The following GMEB1 variants were observed in gnomAD, a reference collection of about 807,000 sequenced individuals.
GMEB1 encodes the protein glucocorticoid modulatory element-binding protein 1.
In GMEB1, 6 loss-of-function variants were observed where a neutral mutation model predicts 52.4. The ratio of observed to expected loss-of-function variants is 0.11; its 90% CI spans 0.06 to 0.23. GMEB1 has a LOEUF of 0.23. Among genes scored for constraint, GMEB1 ranks in the 10% least tolerant of loss-of-function variants. The pLI is 1.00. For synonymous variants in GMEB1, 255 were observed against 244.9 expected (o/e 1.04, Z -0.38); for missense variants, 486 against 685.6 (o/e 0.71, Z 3.25).
At chr1:28,677,988 A>G (rs1363028373) in intron 1 of GMEB1, among the ~76,000 whole-genome samples, 2 of 152,238 alleles carry the variant, frequency 1.3e-5, no homozygotes, top group South Asian at 2.1e-4. Context: ...GTTTGAGACC[A>G]GCCTGGCCAA....
At position 28,714,772 on chromosome 1, in the gene GMEB1, A is replaced by C; in HGVS notation, c.1691A>C (p.Ter564SerextTer11). Residue 564 changes from the stop codon to serine, a stop_lost, in exon 10 of 10, where the codon TAA becomes TCA. Coordinates refer to ENST00000373816, the MANE Select transcript of GMEB1 (RefSeq NM_001319674.2). ...GTGGAGATTGTGGTCTTAGAGGATTAACTGGGGATCTCAGGGCCAGGAGTT... is the reference window on the plus strand; with the variant it reads ...GTGGAGATTGTGGTCTTAGAGGATTCACTGGGGATCTCAGGGCCAGGAGTT... ...HNVEIVVLED[*>S] The C allele has an allele frequency of 6.3e-7, 1 of 1,592,240 alleles. No homozygotes were observed.
At chr1:28,673,620 C>T (rs899609509) in intron 1 of GMEB1, among the ~76,000 whole-genome samples, 1 of 152,148 alleles carries the variant, frequency 6.6e-6, no homozygotes, top group African/African-American at 2.4e-5. Flanking sequence ...TCAGGACACA[C>T]AAAAATGAAT....
Position 28,714,140 on chromosome 1 carries a change from T to G in GMEB1, c.1059T>G (p.Val353=). 6.2e-7 allele frequency: 1 copy of G among 1,614,100 alleles called. No individual in the cohort carries two copies. Among genetic ancestry groups the G allele is most frequent in the South Asian group, 1.1e-5 (1 of 91,072 alleles). ...ATCACAGGCTGAAATCTCAGACAGT[T>G]CAAAATGTGGTACTGATGCCTGTGA... ...GQDHRLKSQT[V]QNVVLMPVST... The change falls in exon 10 of 10, where the codon GTT becomes GTG. Residue 353 remains valine, a synonymous_variant. Coordinates refer to ENST00000373816, the MANE Select transcript of GMEB1 (RefSeq NM_001319674.2).
At chr1:28,710,301 A>T (rs1670986966) in intron 8 of GMEB1, among the ~76,000 whole-genome samples, 1 of 152,316 alleles carries the variant, frequency 6.6e-6, no homozygotes, top group Middle Eastern at 3.4e-3. Context: ...CACCATGCCC[A>T]GCCTGATCTT....
chr1:28,669,431 T>G (rs761957298), intron 1 of GMEB1, among the ~76,000 whole-genome samples: 2 of 151,942 alleles, frequency 1.3e-5, no homozygotes, highest in African/African-American at 4.8e-5. Flanking sequence ...CTCGGAGCCT[T>G]GGCGGGAGAG....
Position 28,716,262 on chromosome 1 carries a change from T to G in GMEB1, c.*1489T>G, listed in dbSNP as rs1335175763. 6.6e-6 allele frequency: 1 copy of G among 152,210 alleles called. No homozygotes were observed. Among genetic ancestry groups the G allele is most frequent in the African/African-American group, 2.4e-5 (1 of 41,452 alleles). 9.4% of individuals were successfully genotyped at this position (152,210 alleles called of 1,614,324 possible). A position where few individuals can be genotyped will look rare whatever the true frequency, so the allele number is the denominator to read the frequency against. On this transcript the variant is annotated 3_prime_UTR_variant, in exon 10 of 10. Coordinates refer to ENST00000373816, the MANE Select transcript of GMEB1 (RefSeq NM_001319674.2). ...AATGTGATGTAAATGGCTCTGGTTC[T>G]TAGACTGTGGCTGTCACAGGGATGG...
At chr1:28,693,108 T>A in intron 5 of GMEB1, 63 bp downstream of exon 5, 1 of 696,882 alleles carries the variant, frequency 1.4e-6, no homozygotes, top group Non-Finnish European at 2.3e-6. Flanking sequence ...CATGCTAGAA[T>A]CTGGGCTTTT....
intron 3 of GMEB1, among the ~76,000 whole-genome samples, chr1:28,690,800 G>A (rs1669928827): frequency 6.6e-6 from 1 of 151,838 alleles, no homozygotes; most frequent in Non-Finnish European, 1.5e-5. Context: ...GGCCAACATG[G>A]CGAAACCCCG....
intron 1 of GMEB1, among the ~76,000 whole-genome samples, chr1:28,676,435 T>C (rs1003206244): frequency 6.6e-6 from 1 of 152,140 alleles, no homozygotes; most frequent in African/African-American, 2.4e-5. Flanking sequence ...TTAAAAATAT[T>C]GTATAAAATT....
At chr1:28,709,839 G>T (rs979098116) in intron 8 of GMEB1, among the ~76,000 whole-genome samples, 2 of 151,908 alleles carry the variant, frequency 1.3e-5, no homozygotes, top group Admixed American at 1.3e-4. Context: ...GTGAGCCACC[G>T]CTCCTGGCCT....
At chr1:28,710,478 T>C in intron 8 of GMEB1, 42 bp from the exon 9 acceptor site, 2 of 1,511,572 alleles carry the variant, frequency 1.3e-6, no homozygotes, top group Non-Finnish European at 8.9e-7. Context: ...TGGTGGAACA[T>C]ATCTGTTTTA....
rs760798386 is a variant in GMEB1, at chr1:28,693,053, C to G, written c.440+8C>G. 3 of 1,505,118 alleles carry G rather than the reference C, an allele frequency of 2.0e-6. No homozygotes were observed. The highest frequency in any genetic ancestry group is 2.7e-6 in the Non-Finnish European group (3 of 1,091,930). 93.2% of individuals were successfully genotyped at this position (1,505,118 alleles called of 1,614,324 possible). A position where few individuals can be genotyped will look rare whatever the true frequency, so the allele number is the denominator to read the frequency against. On this transcript the variant is annotated splice_region_variant and intron_variant, in intron 5 of 9. Transcript: ENST00000373816. ...GGGTGGGATCATGCTCAGGTAAGCTCTAATGTCAAGCACATACCTTTCAAC... is the reference window on the plus strand; with the variant it reads ...GGGTGGGATCATGCTCAGGTAAGCTGTAATGTCAAGCACATACCTTTCAAC...
intron 6 of GMEB1, among the ~76,000 whole-genome samples, chr1:28,697,676 A>G (rs1168234995): frequency 2.0e-5 from 3 of 152,190 alleles, no homozygotes; most frequent in Admixed American, 1.3e-4. Flanking sequence ...CATTGTAGGC[A>G]TTAGAAAGGT....
chr1:28,711,361 C>A (rs1384169136), intron 9 of GMEB1, among the ~76,000 whole-genome samples: 1 of 151,260 alleles, frequency 6.6e-6, no homozygotes, highest in East Asian at 1.9e-4. Context: ...GCTTTTGGTC[C>A]CTTGTGTGTA....
Position 28,700,431 on chromosome 1 carries a change from G to A in GMEB1, c.599-2007G>A, listed in dbSNP as rs1054252923. The stretch of plus-strand genomic sequence containing the variant: ...CCGGAGGCTGAGGCAGGAGAATGGC[G>A]TGAACTCGGGAGGTGGAGCTTGCAG... On this transcript the variant is annotated intron_variant, in intron 6 of 9. Coordinates refer to ENST00000373816, the MANE Select transcript of GMEB1 (RefSeq NM_001319674.2). Among the ~76,000 whole-genome samples the A allele has an allele frequency of 4.6e-5, 7 of 150,902 alleles. No homozygotes were observed. The East Asian group carries it at 5.8e-4, about 13-fold the overall frequency.
At chr1:28,697,178 T>TATATATAC (rs1670253340) in intron 6 of GMEB1, 94 bp downstream of exon 6, 2 of 158,180 alleles carry the variant, frequency 1.3e-5, no homozygotes, top group Non-Finnish European at 2.6e-5. Context: ...TATATATATA[T>TATATATAC]ATATATATAT....
At chr1:28,675,372 G>T (rs1186350903) in intron 1 of GMEB1, among the ~76,000 whole-genome samples, 1 of 151,388 alleles carries the variant, frequency 6.6e-6, no homozygotes, top group East Asian at 2.0e-4. Flanking sequence ...TCTTTTACAT[G>T]TGTTCACATA....
chr1:28,680,606 G>A (rs746495240), intron 1 of GMEB1, among the ~76,000 whole-genome samples: 3 of 152,044 alleles, frequency 2.0e-5, no homozygotes, highest in African/African-American at 4.8e-5. Context: ...GTGGTGGTGC[G>A]TGCCTAAAGT....
Position 28,718,917 on chromosome 1 carries a change from A to T in GMEB1, c.*4144A>T, listed in dbSNP as rs1456009408. The stretch of plus-strand genomic sequence containing the variant: ...ATATACCTAAGCTGATTTAGGAGAG[A>T]CCACTTTTGGCTAGGTTTATTGTAC... On this transcript the variant is annotated 3_prime_UTR_variant, in exon 10 of 10. Transcript: ENST00000373816. The T allele has an allele frequency of 2.0e-5, 3 of 152,148 alleles. No homozygotes were observed. The highest frequency in any genetic ancestry group is 4.4e-5 in the Non-Finnish European group (3 of 68,030). 9.4% of individuals were successfully genotyped at this position (152,148 alleles called of 1,614,324 possible).
Sources: allele counts gnomAD v4.1 joint callset (sites outside exome capture counted in the v4.1 genomes callset), GRCh38; gene constraint gnomAD v4.1.1; transcripts MANE v1.5; gene names NCBI Gene and HGNC (gene_info 2026-07-23, HGNC 2026-07-21).